The following LHFPL3 variants were observed in gnomAD, a reference collection of about 807,000 sequenced individuals.
LHFPL3 encodes the protein LHFPL tetraspan subfamily member 3 protein.
In LHFPL3, 5 loss-of-function variants were observed where a neutral mutation model predicts 19.3. The ratio of observed to expected loss-of-function variants is 0.26; its 90% confidence interval spans 0.14 to 0.54. LHFPL3 has a LOEUF of 0.54. Among genes scored for constraint, LHFPL3 ranks in the 20% least tolerant of loss-of-function variants. The pLI is 0.94. For missense variants in LHFPL3, 249 were observed against 307.4 expected (o/e 0.81, Z 1.42); for synonymous variants, 133 against 126.2 (o/e 1.05, Z -0.36).
chr7:104,687,744 C>A (rs1792832594), intron 1 of LHFPL3, among the ~76,000 whole-genome samples: 1 of 152,188 alleles, frequency 6.6e-6, no homozygotes, highest in Admixed American at 6.5e-5. Flanking sequence ...TCTCAACAGG[C>A]ACCAGTATTG....
chr7:104,329,359 T>G, intron 1 of LHFPL3, 135 bp downstream of exon 1: 1 of 1,187,938 alleles, frequency 8.4e-7, no homozygotes, highest in South Asian at 1.7e-5. Flanking sequence ...CGTCGAGGTG[T>G]GGGGGGCGGG....
intron 1 of LHFPL3, among the ~76,000 whole-genome samples, chr7:104,542,358 A>T (rs774724381): frequency 6.6e-6 from 1 of 152,118 alleles, no homozygotes; most frequent in Non-Finnish European, 1.5e-5. Flanking sequence ...GGTCTTAAGG[A>T]TCCAGTGAAT....
intron 2 of LHFPL3, among the ~76,000 whole-genome samples, chr7:104,829,442 T>C (rs938569133): frequency 1.3e-5 from 2 of 151,764 alleles, no homozygotes; most frequent in African/African-American, 2.4e-5. Context: ...AACTTGTCAT[T>C]TAGCATTAGG....
At chr7:104,653,101 G>A (rs767239030) in intron 1 of LHFPL3, among the ~76,000 whole-genome samples, 1 of 152,188 alleles carries the variant, frequency 6.6e-6, no homozygotes, top group Non-Finnish European at 1.5e-5. Flanking sequence ...GGAGGCCTGG[G>A]TTGTCCCAGG....
At position 104,562,823 on chromosome 7, in the gene LHFPL3, T is replaced by C. The variant is rs1790035451; in HGVS notation, c.446-173852T>C. On this transcript the variant is annotated intron_variant, in intron 1 of 2. Transcript: ENST00000424859. ...CCCATCTTTGTGGTTTTATCTACTT[T>C]TGGTCTTTGATGATGGTGATGTACA... Among the ~76,000 whole-genome samples, 4 of 151,128 alleles carry C rather than the reference T, an allele frequency of 2.6e-5. No individual in the cohort carries two copies. In the South Asian group the frequency reaches 6.3e-4, roughly 24 times the overall value.
chr7:104,820,752 C>A (rs552300666), intron 2 of LHFPL3, among the ~76,000 whole-genome samples: 6 of 152,310 alleles, frequency 3.9e-5, no homozygotes, highest in South Asian at 2.1e-4. Context: ...ACCACCCCCC[C>A]AGACCAAAGA....
chr7:104,735,053 G>A (rs1026551499), intron 1 of LHFPL3, among the ~76,000 whole-genome samples: 3 of 152,200 alleles, frequency 2.0e-5, no homozygotes, highest in Non-Finnish European at 4.4e-5. Flanking sequence ...AAAAGCAAAT[G>A]TTGCTGTCTG....
chr7:104,429,595 C>T (rs1791916918), intron 1 of LHFPL3, among the ~76,000 whole-genome samples: 1 of 151,910 alleles, frequency 6.6e-6, no homozygotes, highest in Non-Finnish European at 1.5e-5. Context: ...GGATTACAGG[C>T]ATGAGCCACT....
intron 1 of LHFPL3, among the ~76,000 whole-genome samples, chr7:104,453,637 A>G (rs958785610): frequency 1.3e-5 from 2 of 152,130 alleles, no homozygotes; most frequent in African/African-American, 4.8e-5. Flanking sequence ...TTTATCCCCA[A>G]CCAAATCTCA....
intron 2 of LHFPL3, among the ~76,000 whole-genome samples, chr7:104,829,444 AG>A (rs1449598348): frequency 3.2e-4 from 48 of 151,716 alleles, no homozygotes; most frequent in Middle Eastern, 3.2e-3. Context: ...CTTGTCATTT[AG>A]CATTAGGTAT....
At chr7:104,617,747 T>G (rs1272544957) in intron 1 of LHFPL3, among the ~76,000 whole-genome samples, 1 of 152,204 alleles carries the variant, frequency 6.6e-6, no homozygotes, top group Non-Finnish European at 1.5e-5. Context: ...AGACTTCAGA[T>G]TTTTGGTGTT....
At chr7:104,593,867 C>T (rs1438475562) in intron 1 of LHFPL3, among the ~76,000 whole-genome samples, 2 of 147,386 alleles carry the variant, frequency 1.4e-5, no homozygotes, top group African/African-American at 2.5e-5. Context: ...GATTGCGACC[C>T]CTGCTTTTTT....
intron 2 of LHFPL3, among the ~76,000 whole-genome samples, chr7:104,767,690 T>C (rs1432392054): frequency 6.6e-6 from 1 of 152,192 alleles, no homozygotes; most frequent in Non-Finnish European, 1.5e-5. Flanking sequence ...AGAAATTTTA[T>C]TGAAAAAGAC....
At chr7:104,532,976 G>A (rs1156249801) in intron 1 of LHFPL3, among the ~76,000 whole-genome samples, 3 of 151,932 alleles carry the variant, frequency 2.0e-5, no homozygotes, top group African/African-American at 7.2e-5. Flanking sequence ...AGAGTGAAGA[G>A]GAGATCACCT....
At chr7:104,403,060 G>T (rs534531719) in intron 1 of LHFPL3, among the ~76,000 whole-genome samples, 22 of 152,298 alleles carry the variant, frequency 1.4e-4, no homozygotes, top group Admixed American at 7.2e-4. Context: ...CTGTCAGGGG[G>T]TGATATACCT....
chr7:104,420,743 T>A (rs888856884), intron 1 of LHFPL3, among the ~76,000 whole-genome samples: 3 of 151,960 alleles, frequency 2.0e-5, no homozygotes, highest in Non-Finnish European at 4.4e-5. Flanking sequence ...TATTTTTTTT[T>A]AGTAGAGACG....
intron 1 of LHFPL3, among the ~76,000 whole-genome samples, chr7:104,454,040 C>G (rs773123736): frequency 6.6e-6 from 1 of 152,154 alleles, no homozygotes; most frequent in African/African-American, 2.4e-5. Context: ...CTGCCTAATA[C>G]GCCTGTCTAC....
intron 2 of LHFPL3, chr7:104,896,176 G>T (rs1489481879): frequency 2.6e-5 from 4 of 152,202 alleles, no homozygotes; most frequent in African/African-American, 9.7e-5. Flanking sequence ...GGGGGTTAGG[G>T]CTTCAATATT....
intron 1 of LHFPL3, among the ~76,000 whole-genome samples, chr7:104,378,593 A>T (rs1014212335): frequency 6.6e-6 from 1 of 152,156 alleles, no homozygotes; most frequent in Non-Finnish European, 1.5e-5. Flanking sequence ...TGATAAGTGC[A>T]TGTTTTAACT....
Sources: allele counts gnomAD v4.1 joint callset (sites outside exome capture counted in the v4.1 genomes callset), GRCh38; gene constraint gnomAD v4.1.1; transcripts MANE v1.5; gene names NCBI Gene and HGNC (gene_info 2026-07-23, HGNC 2026-07-21).